RET: variants seen among roughly 807,000 people sequenced by gnomAD.
RET encodes the protein proto-oncogene tyrosine-protein kinase receptor Ret.
In RET, 19 loss-of-function variants were observed where a neutral mutation model predicts 118.3. That is an observed-to-expected ratio of 0.16 (90% CI 0.11 to 0.24). The LOEUF is 0.24. Among genes scored for constraint, RET ranks in the 10% least tolerant of loss-of-function variants. The pLI, the probability that RET is intolerant of heterozygous loss-of-function variation, is 1.00. For synonymous variants in RET, 597 were observed against 644.1 expected, an observed-to-expected ratio of 0.93 and a Z score of 1.11; for missense variants, 1,219 against 1,502.1, an observed-to-expected ratio of 0.81 and a Z score of 3.12.
Position 43,114,468 on chromosome 10 carries a change from C to G in RET, c.1880-12C>G, listed in dbSNP as rs374893494. 6.2e-7 allele frequency: 1 copy of G among 1,605,280 alleles called. No homozygotes were observed. The highest frequency in any genetic ancestry group is 1.3e-5 in the African/African-American group (1 of 74,916). ...CTGGCGGTGCCAAGCCTCACACCACCCCCACCCACAGATCCACTGTGCGAC... is the reference window on the plus strand; with the variant it reads ...CTGGCGGTGCCAAGCCTCACACCACGCCCACCCACAGATCCACTGTGCGAC... On this transcript the variant is annotated splice_polypyrimidine_tract_variant and intron_variant, in intron 10 of 19. Transcript: ENST00000355710. This position sits in a 1 kb window ranked among gnomAD's most constrained non-coding sequence, Gnocchi z 4.6.
intron 11 of RET, among the ~76,000 whole-genome samples, chr10:43,115,070 GCCT>G (rs1179111508): frequency 6.6e-6 from 1 of 152,182 alleles, no homozygotes; most frequent in African/African-American, 2.4e-5. Context: ...GCTACTCAGA[GCCT>G]CCAGGCTGTG....
intron 8 of RET, 57 bp downstream of exon 8, chr10:43,112,281 G>A (rs1220973256): frequency 3.5e-5 from 53 of 1,527,610 alleles, no homozygotes; most frequent in East Asian, 2.2e-4. Flanking sequence ...CGGTGGAAAC[G>A]GGGTCCTGGG....
At chr10:43,090,062 C>T (rs992288072) in intron 1 of RET, among the ~76,000 whole-genome samples, 3 of 152,174 alleles carry the variant, frequency 2.0e-5, no homozygotes, top group African/African-American at 7.2e-5. Flanking sequence ...ATGGCAGGGG[C>T]ATGCAGGCAG....
rs2132983760 is a variant in RET, at chr10:43,121,946, G to A, written c.2731G>A (p.Gly911Ser). Residue 911 changes from glycine (G) to serine (S), a missense_variant and splice_region_variant, in exon 16 of 20, where the codon GGT (glycine) becomes AGT (serine). Around this residue, in one of 5 missense-constraint regions of RET, gnomAD observed 73 missense variants for 156.5 expected, o/e 0.47. Transcript: ENST00000355710. Reference sequence around the variant, plus strand: ...TGTCTTTATTCCATCTTCTCTTTAGGGTCGGATTCCAGTTAAATGGATGGC... The same window carrying A: ...TGTCTTTATTCCATCTTCTCTTTAGAGTCGGATTCCAGTTAAATGGATGGC... ...EEDSYVKRSQ[G>S]RIPVKWMAIE... 1 of 1,610,692 alleles carries A rather than the reference G, an allele frequency of 6.2e-7. No homozygotes were observed. Among genetic ancestry groups the A allele is most frequent in the Non-Finnish European group, 8.5e-7 (1 of 1,176,912 alleles).
intron 5 of RET, among the ~76,000 whole-genome samples, chr10:43,107,381 A>G (rs1292123805): frequency 6.6e-6 from 1 of 152,174 alleles, no homozygotes; most frequent in Non-Finnish European, 1.5e-5. Flanking sequence ...CCACAGTGGC[A>G]GCACGCGGCA....
rs1283566936 is a variant in RET at position 43,114,645 on chromosome 10, C to T, written c.2045C>T (p.Ala682Val). ...ATGACCTTCCGGAGGCCCGCCCAGG[C>T]CTTCCCGGTCAGCTACTCCTCTTCC... is the stretch of plus-strand genomic sequence containing the variant. ...AEMTFRRPAQ[A>V]FPVSYSSSGA... Residue 682 changes from alanine (A) to valine (V), a missense_variant, in exon 11 of 20, where the codon GCC becomes GTC. This residue lies in a region of RET where 850 missense variants were observed against 969.6 expected (regional missense o/e 0.88). Transcript: ENST00000355710. The surrounding 1 kb of genome is among the most constrained non-coding windows in gnomAD (Gnocchi z 4.6). The T allele has an allele frequency of 6.2e-7, 1 of 1,613,058 alleles. No homozygotes were observed. The highest frequency in any genetic ancestry group is 1.3e-5 in the African/African-American group (1 of 75,054).
chr10:43,079,573 G>A (rs1423263921), intron 1 of RET, among the ~76,000 whole-genome samples: 1 of 152,222 alleles, frequency 6.6e-6, no homozygotes, highest in African/African-American at 2.4e-5. Context: ...GTCCCAGGCT[G>A]ACCCTGCACC....
At chr10:43,088,384 A>T (rs1419201169) in intron 1 of RET, among the ~76,000 whole-genome samples, 1 of 139,094 alleles carries the variant, frequency 7.2e-6, no homozygotes. Context: ...AGTGGAGGTG[A>T]TGGTGATGGT....
At chr10:43,086,999 G>A (rs763920233) in intron 1 of RET, among the ~76,000 whole-genome samples, 2 of 152,254 alleles carry the variant, frequency 1.3e-5, no homozygotes, top group Non-Finnish European at 2.9e-5. Flanking sequence ...GCAGAAGGCT[G>A]CATGGCTTTT....
At chr10:43,102,187 G>A in intron 2 of RET, 155 bp from the exon 3 acceptor site, 1 of 862,350 alleles carries the variant, frequency 1.2e-6, no homozygotes, top group African/African-American at 1.6e-5. Context: ...GCAGAGGTAA[G>A]GAGGTGGCAG....
intron 3 of RET, chr10:43,104,687 TC>T (rs2132699721): frequency 1.7e-6 from 1 of 594,460 alleles, no homozygotes; most frequent in South Asian, 2.0e-5. Context: ...TCCTGGCTCT[TC>T]CCAACCAGCA....
At chr10:43,126,945 T>G (rs977683788) in intron 19 of RET, 2 of 1,424,540 alleles carry the variant, frequency 1.4e-6, no homozygotes, top group Non-Finnish European at 1.8e-6. Flanking sequence ...AATTACCACA[T>G]TGCCCAGCAA....
intron 1 of RET, among the ~76,000 whole-genome samples, chr10:43,098,730 CT>C (rs1294658185): frequency 6.6e-6 from 1 of 152,132 alleles, no homozygotes; most frequent in Non-Finnish European, 1.5e-5. Flanking sequence ...CCAGATTTCC[CT>C]CCTTTCTAAG....
intron 1 of RET, among the ~76,000 whole-genome samples, chr10:43,098,439 T>C (rs995447196): frequency 6.6e-6 from 1 of 151,566 alleles, no homozygotes; most frequent in Non-Finnish European, 1.5e-5. Flanking sequence ...TTTTTTTTTT[T>C]TGAGACAGGT....
At chr10:43,123,535 C>T (rs1247496646) in intron 16 of RET, 136 bp from the exon 17 acceptor site, 1 of 1,195,860 alleles carries the variant, frequency 8.4e-7, no homozygotes, top group Non-Finnish European at 1.2e-6. Flanking sequence ...CAGACCCAGG[C>T]TGACATCTGT....
Position 43,118,385 on chromosome 10 carries a change from C to T in RET, c.2297C>T (p.Pro766Leu), listed in dbSNP as rs1017108031. Residue 766 changes from proline to leucine, a missense_variant, in exon 13 of 20, where the codon CCG (proline) becomes CTG (leucine). Physicochemically the swap from Pro to Leu is moderately conservative, Grantham distance 98. This residue lies in a region of RET where 850 missense variants were observed against 969.6 expected (regional missense o/e 0.88). Coordinates refer to ENST00000355710, the MANE Select transcript of RET (RefSeq NM_020975.6). ...TGCTGCATTTCAGAGAACGCCTCCCCGAGTGAGCTGCGAGACCTGCTGTCA... is the reference window on the plus strand; with the variant it reads ...TGCTGCATTTCAGAGAACGCCTCCCTGAGTGAGCTGCGAGACCTGCTGTCA... Reference protein sequence around the residue: ...AVKMLKENASPSELRDLLSEF... With the variant: ...AVKMLKENASLSELRDLLSEF... 7.4e-6 allele frequency: 12 copies of T among 1,613,804 alleles called. No homozygotes were observed. The highest frequency in any genetic ancestry group is 3.3e-5 in the South Asian group (3 of 91,070).
intron 14 of RET, 152 bp from the exon 15 acceptor site, chr10:43,119,929 C>T: frequency 1.5e-6 from 2 of 1,299,992 alleles, no homozygotes; most frequent in South Asian, 1.3e-5. Flanking sequence ...ACCCTGACTC[C>T]ACCACGCCCC....
Position 43,128,763 on chromosome 10 carries a change from G to C in RET, c.*494G>C, listed in dbSNP as rs759025154. ...CCTTATTCAGAATGAGAGACTGCGG[G>C]GGGGGCCTGGGGGTAGTGTCAATGC... On this transcript the variant is annotated 3_prime_UTR_variant, in exon 20 of 20. Coordinates refer to ENST00000355710, the MANE Select transcript of RET (RefSeq NM_020975.6). 86 of 290,504 alleles carry C rather than the reference G, an allele frequency of 3.0e-4. No individual in the cohort carries two copies. Among genetic ancestry groups the C allele is most frequent in the African/African-American group, 1.7e-3 (78 of 46,660 alleles). 18.0% of individuals were successfully genotyped at this position (290,504 alleles called of 1,614,324 possible).
chr10:43,083,695 G>A (rs372480063), intron 1 of RET, among the ~76,000 whole-genome samples: 1 of 152,232 alleles, frequency 6.6e-6, no homozygotes. Context: ...CCCTTGTCCT[G>A]GTCCACATAG....
Sources: gnomAD v4.1 joint callset for allele counts (sites outside exome capture counted in the v4.1 genomes callset) on GRCh38, gnomAD v4.1.1 for gene constraint, gnomAD v4.1.1 regional missense constraint, Gnocchi (gnomAD v3.1) non-coding constraint, MANE v1.5 for transcripts, NCBI Gene and HGNC (gene_info 2026-07-23, HGNC 2026-07-21) for gene names.